CABIN1: variants seen among roughly 807,000 people sequenced by gnomAD.
CABIN1 encodes calcineurin binding protein 1.
A neutral mutation model predicts 227.7 loss-of-function variants in CABIN1; 133 were observed. That is an observed-to-expected ratio of 0.58 (90% confidence interval 0.51 to 0.67). CABIN1 has a LOEUF of 0.67. CABIN1 is among the 30% of genes least tolerant of loss of function. CABIN1 has a pLI of 0.00. For synonymous variants in CABIN1, 1,086 were observed against 1,155.1 expected (o/e 0.94, Z 1.21); for missense variants, 2,408 against 2,852.5 (o/e 0.84, Z 3.55).
rs2051199 is a variant in CABIN1 at position 24,069,895 on chromosome 22, G to T, written c.2233-905G>T. 1.3e-3 allele frequency among the ~76,000 whole-genome samples: 193 copies of T among 152,228 alleles called. 2 individuals are homozygous for T. In the South Asian group the frequency reaches 0.018, roughly 14 times the overall value. On this transcript the variant is annotated intron_variant, in intron 16 of 36. Coordinates refer to ENST00000263119, the MANE Select transcript of CABIN1 (RefSeq NM_012295.4). ...CAAGGTTGGGAGGAGCCGCTGCCAGGCCTGGGCTGTGGCGAGGTTAGAGCC... is the reference window on the plus strand; with the variant it reads ...CAAGGTTGGGAGGAGCCGCTGCCAGTCCTGGGCTGTGGCGAGGTTAGAGCC...
rs117501063 is a variant in CABIN1, at chr22:24,059,172, A to G, written c.1263-55A>G. On this transcript the variant is annotated intron_variant, in intron 10 of 36. Coordinates refer to ENST00000263119, the MANE Select transcript of CABIN1 (RefSeq NM_012295.4). Reference sequence around the variant, plus strand: ...AGTTTCTCTAACAGGAAGAGTTCAGATGCTTGTGTCAGAACGTGTGTTGTG... The same window carrying G: ...AGTTTCTCTAACAGGAAGAGTTCAGGTGCTTGTGTCAGAACGTGTGTTGTG... 6,069 of 1,610,510 alleles carry G rather than the reference A, an allele frequency of 3.8e-3. 20 individuals are homozygous for G. Among genetic ancestry groups the G allele is most frequent in the Non-Finnish European group, 4.8e-3 (5,653 of 1,177,144 alleles).
rs1422051867 is a variant in CABIN1 at position 24,054,948 on chromosome 22, T to G, written c.882T>G (p.Leu294=). 7.4e-6 allele frequency: 12 copies of G among 1,614,048 alleles called. No homozygotes were observed. Among genetic ancestry groups the G allele is most frequent in the Non-Finnish European group, 1.0e-5 (12 of 1,180,024 alleles). The change falls in exon 9 of 37, where the codon CTT becomes CTG. Residue 294 remains leucine, a synonymous_variant. Transcript: ENST00000263119. ...LTTCEPPRPS[L]GKRIDLSDYQ... ...CCTGTGAGCCCCCACGTCCCAGCCTTGGCAAAAGGATTGATTTGTCGGACT... is the reference window on the plus strand; with the variant it reads ...CCTGTGAGCCCCCACGTCCCAGCCTGGGCAAAAGGATTGATTTGTCGGACT...
Position 24,083,208 on chromosome 22 carries a change from A to G in CABIN1, c.2749-20A>G, listed in dbSNP as rs764765697. Reference sequence around the variant, plus strand: ...TGGCTACAGGCCCTCACCTCAGGCCATCTCTTCTGCCCACCACAGGTGCGA... The same window carrying G: ...TGGCTACAGGCCCTCACCTCAGGCCGTCTCTTCTGCCCACCACAGGTGCGA... On this transcript the variant is annotated intron_variant, in intron 19 of 36. Transcript: ENST00000263119. The G allele has an allele frequency of 9.3e-6, 15 of 1,611,710 alleles. No individual in the cohort carries two copies. The highest frequency in any genetic ancestry group is 3.3e-5 in the Admixed American group (2 of 60,006).
At chr22:24,104,940 C>T (rs1414737550) in intron 26 of CABIN1, among the ~76,000 whole-genome samples, 1 of 152,228 alleles carries the variant, frequency 6.6e-6, no homozygotes, top group African/African-American at 2.4e-5. Flanking sequence ...CTGCCCCAGG[C>T]TGATGGAACA....
chr22:24,052,506 A>G (rs2038418728), intron 8 of CABIN1, among the ~76,000 whole-genome samples: 1 of 151,102 alleles, frequency 6.6e-6, no homozygotes, highest in Non-Finnish European at 1.5e-5. Flanking sequence ...AAATGTGTAA[A>G]CTAGCTGGGC....
At chr22:24,030,170 C>T (rs2036396771) in intron 1 of CABIN1, among the ~76,000 whole-genome samples, 1 of 152,202 alleles carries the variant, frequency 6.6e-6, no homozygotes, top group Non-Finnish European at 1.5e-5. Flanking sequence ...TGGCCATCAG[C>T]AAACCTGTTC....
At chr22:24,019,494 A>G (rs928135796) in intron 1 of CABIN1, among the ~76,000 whole-genome samples, 6 of 151,838 alleles carry the variant, frequency 4.0e-5, no homozygotes, top group African/African-American at 9.7e-5. Flanking sequence ...ACCTCAAGCA[A>G]TCCACCCACC....
intron 19 of CABIN1, among the ~76,000 whole-genome samples, chr22:24,076,757 C>G (rs1396768430): frequency 2.0e-5 from 3 of 152,178 alleles, no homozygotes; most frequent in African/African-American, 7.2e-5. Flanking sequence ...AGTGAGAGCA[C>G]ATACACTTCC....
At chr22:24,039,462 G>A (rs1254459554) in intron 4 of CABIN1, among the ~76,000 whole-genome samples, 1 of 152,202 alleles carries the variant, frequency 6.6e-6, no homozygotes, top group Non-Finnish European at 1.5e-5. Flanking sequence ...CAGTGCTTTG[G>A]AATTAGTGGT....
intron 28 of CABIN1, among the ~76,000 whole-genome samples, chr22:24,122,481 G>T (rs559100623): frequency 2.6e-5 from 4 of 152,242 alleles, no homozygotes; most frequent in Admixed American, 1.3e-4. Flanking sequence ...GCTGAGGCGG[G>T]TGAATCACCT....
intron 1 of CABIN1, among the ~76,000 whole-genome samples, chr22:24,014,583 T>C (rs1789846719): frequency 6.6e-6 from 1 of 152,224 alleles, no homozygotes; most frequent in Non-Finnish European, 1.5e-5. Context: ...GTTCCTTTCT[T>C]CCTCATGCCT....
intron 6 of CABIN1, among the ~76,000 whole-genome samples, chr22:24,046,905 A>AC (rs1215709739): frequency 6.6e-5 from 10 of 151,754 alleles, no homozygotes; most frequent in Admixed American, 6.6e-4. Flanking sequence ...AACCCCCCCC[A>AC]CCGCAATGTC....
In CABIN1 at chr22:24,082,342, G is replaced by A. The variant is rs374388193; in HGVS notation, c.2749-886G>A. 9.5e-4 allele frequency among the ~76,000 whole-genome samples: 145 copies of A among 152,044 alleles called. 2 individuals are homozygous for A. The South Asian group carries it at 0.018, about 19-fold the overall frequency. Reference sequence around the variant, plus strand: ...TGGGCTCAAGCGATCCTCCCACCTCGGCCTCCCAAAGTGCTGGAATTACAG... The same window carrying A: ...TGGGCTCAAGCGATCCTCCCACCTCAGCCTCCCAAAGTGCTGGAATTACAG... On this transcript the variant is annotated intron_variant, in intron 19 of 36. Transcript: ENST00000263119.
Position 24,166,519 on chromosome 22 carries a change from G to A in CABIN1, c.5008-120G>A, listed in dbSNP as rs1342438811. The A allele has an allele frequency of 4.8e-6, 6 of 1,238,734 alleles. 1 individual carries two copies. The South Asian group carries it at 7.3e-5, about 15-fold the overall frequency. 76.7% of individuals were successfully genotyped at this position (1,238,734 alleles called of 1,614,324 possible). ...ACACAGCCCTGGCCAGCTGGCAGAT[G>A]TCCGGAGCCACACAGATGTCAGGTG... On this transcript the variant is annotated intron_variant, in intron 31 of 36. Transcript: ENST00000263119.
intron 10 of CABIN1, among the ~76,000 whole-genome samples, chr22:24,057,370 G>C (rs2038879514): frequency 6.6e-6 from 1 of 152,326 alleles, no homozygotes; most frequent in South Asian, 2.1e-4. Flanking sequence ...CCTTAGCTGA[G>C]TGGAGAGGCC....
intron 26 of CABIN1, among the ~76,000 whole-genome samples, chr22:24,102,704 G>A (rs2042277449): frequency 6.6e-6 from 1 of 152,162 alleles, no homozygotes; most frequent in South Asian, 2.1e-4. Context: ...TTGAGGGGTT[G>A]GGGAGAGGGA....
intron 17 of CABIN1, 68 bp from the exon 18 acceptor site, chr22:24,072,286 C>T (rs1337392790): frequency 6.4e-7 from 1 of 1,573,608 alleles, no homozygotes; most frequent in Non-Finnish European, 8.7e-7. Flanking sequence ...CCTCCTGCCT[C>T]CCTTCAGTCT....
Position 24,167,086 on chromosome 22 carries a change from G to A in CABIN1, c.5455G>A (p.Ala1819Thr), listed in dbSNP as rs1464160985. ...CACCCCGCTCACCCCAGCCCAGCCA[G>A]CCCCCGCCCCCGCCCCCGCCACCAC... ...QPTPLTPAQPAPAPAPATTTG... is the reference protein window; with the variant it reads ...QPTPLTPAQPTPAPAPATTTG... The change falls in exon 32 of 37, where the codon GCC (alanine) becomes ACC (threonine). Residue 1819 changes from alanine (A) to threonine (T), a missense_variant. This residue lies in a region of CABIN1 where 714 missense variants were observed against 773.8 expected (regional missense o/e 0.92). Transcript: ENST00000263119. 2 of 1,541,128 alleles carry A rather than the reference G, an allele frequency of 1.3e-6. No homozygotes were observed. Among genetic ancestry groups the A allele is most frequent in the South Asian group, 2.4e-5 (2 of 83,650 alleles).
chr22:24,055,820 G>A lies in CABIN1; in HGVS notation c.1094-372G>A, dbSNP rs376302503. Among the ~76,000 whole-genome samples, 87 of 152,230 alleles carry A rather than the reference G, an allele frequency of 5.7e-4. No homozygotes were observed. The South Asian group carries it at 0.016, about 27-fold the overall frequency. On this transcript the variant is annotated intron_variant, in intron 9 of 36. Coordinates refer to ENST00000263119, the MANE Select transcript of CABIN1 (RefSeq NM_012295.4). ...TCTTTTGCTCTTATCATATTGCTGA[G>A]TGCTCAGAGGGTACTGGGTAGGGTC...
Sources: gnomAD v4.1 joint callset for allele counts (sites outside exome capture counted in the v4.1 genomes callset) on GRCh38, gnomAD v4.1.1 for gene constraint, gnomAD v4.1.1 regional missense constraint, MANE v1.5 for transcripts, NCBI Gene and HGNC (gene_info 2026-07-23, HGNC 2026-07-21) for gene names.